WWC1: variants seen among roughly 807,000 people sequenced by gnomAD.
The protein encoded by WWC1 is protein KIBRA.
WWC1 carries 55 observed loss-of-function variants against 138.4 expected under a neutral mutation model. The observed-to-expected ratio is 0.40, with a 90% CI of 0.32 to 0.50. The LOEUF (loss-of-function observed/expected upper bound fraction) is 0.50, where lower values mean the gene tolerates loss of function less well. Among genes scored for constraint, WWC1 ranks in the 20% least tolerant of loss-of-function variants. The pLI, the probability that WWC1 is intolerant of heterozygous loss-of-function variation, is 0.72. For synonymous variants in WWC1, 524 were observed against 564.9 expected, an observed-to-expected ratio of 0.93 and a Z score of 1.03; for missense variants, 1,226 against 1,420.4, an observed-to-expected ratio of 0.86 and a Z score of 2.20.
At chr5:168,398,264 T>C (rs2152830422) in intron 4 of WWC1, among the ~76,000 whole-genome samples, 1 of 151,876 alleles carries the variant, frequency 6.6e-6, no homozygotes, top group East Asian at 1.9e-4. Flanking sequence ...CCACCACACC[T>C]GGCTAATTTT....
chr5:168,319,980 G>A (rs773546542), intron 1 of WWC1, among the ~76,000 whole-genome samples: 1 of 150,458 alleles, frequency 6.6e-6, no homozygotes, highest in Non-Finnish European at 1.5e-5. Flanking sequence ...ATTTCATTGT[G>A]GTTTTGGTTT....
intron 14 of WWC1, 100 bp from the exon 15 acceptor site, chr5:168,431,152 C>T: frequency 9.6e-7 from 1 of 1,046,056 alleles, no homozygotes; most frequent in Non-Finnish European, 1.4e-6. Context: ...AACTCTCATC[C>T]ACTGTTGTTT....
rs374387512 is a variant in WWC1, at chr5:168,468,013, C to T, written c.3275+49C>T. ...CCCCATCCCTTTCTCAGCCAACCCACGGCCTTAGTCTTCTGTCTGTGGTCT... is the reference window on the plus strand; with the variant it reads ...CCCCATCCCTTTCTCAGCCAACCCATGGCCTTAGTCTTCTGTCTGTGGTCT... On this transcript the variant is annotated intron_variant, in intron 22 of 22. Transcript: ENST00000265293. The T allele has an allele frequency of 4.4e-6, 7 of 1,608,994 alleles. No individual in the cohort carries two copies. In the African/African-American group the frequency reaches 5.3e-5, roughly 12 times the overall value.
intron 1 of WWC1, among the ~76,000 whole-genome samples, chr5:168,336,658 A>G (rs1255633996): frequency 6.6e-6 from 1 of 151,362 alleles, no homozygotes; most frequent in Non-Finnish European, 1.5e-5. Context: ...CCTGTGCCCC[A>G]GAACTCCTTG....
intron 10 of WWC1, among the ~76,000 whole-genome samples, chr5:168,422,542 G>A (rs369880029): frequency 2.6e-5 from 4 of 152,142 alleles, no homozygotes; most frequent in South Asian, 2.1e-4. Context: ...ACTTGAGCCC[G>A]GGAGGAGGCT....
intron 1 of WWC1, among the ~76,000 whole-genome samples, chr5:168,321,010 T>A (rs1349784971): frequency 6.6e-6 from 1 of 152,114 alleles, no homozygotes; most frequent in Admixed American, 6.5e-5. Flanking sequence ...TGCCTTAAAT[T>A]ACGGCAGTTA....
chr5:168,349,131 A>G (rs1774720430), intron 1 of WWC1, among the ~76,000 whole-genome samples: 1 of 152,028 alleles, frequency 6.6e-6, no homozygotes, highest in South Asian at 2.1e-4. Context: ...CTGTGCGTCA[A>G]TTTCCCCATC....
chr5:168,420,506 G>A (rs1781007482), intron 9 of WWC1, among the ~76,000 whole-genome samples: 2 of 152,090 alleles, frequency 1.3e-5, no homozygotes, highest in South Asian at 4.1e-4. Context: ...GGATTTCGGG[G>A]GACAAAAATC....
At chr5:168,300,907 C>T (rs1181856449) in intron 1 of WWC1, among the ~76,000 whole-genome samples, 1 of 152,222 alleles carries the variant, frequency 6.6e-6, no homozygotes, top group Non-Finnish European at 1.5e-5. Flanking sequence ...GACCCTGGGA[C>T]AGCCTTCCAG....
intron 15 of WWC1, among the ~76,000 whole-genome samples, chr5:168,434,801 T>A (rs1434895647): frequency 6.6e-6 from 1 of 152,234 alleles, no homozygotes; most frequent in Non-Finnish European, 1.5e-5. Flanking sequence ...GGAGCCTAGT[T>A]GCCCACTGCT....
chr5:168,439,251 C>T (rs988612102), intron 15 of WWC1, among the ~76,000 whole-genome samples: 1 of 152,162 alleles, frequency 6.6e-6, no homozygotes, highest in African/African-American at 2.4e-5. Context: ...CTCTTTTTTA[C>T]ATGACTATAT....
intron 1 of WWC1, among the ~76,000 whole-genome samples, chr5:168,297,287 G>A (rs533043502): frequency 7.2e-5 from 11 of 152,280 alleles, no homozygotes; most frequent in Admixed American, 7.2e-4. Context: ...TGCAGCTGGA[G>A]TGGACCTTTC....
At chr5:168,360,497 G>T (rs1379940745) in intron 1 of WWC1, among the ~76,000 whole-genome samples, 1 of 152,220 alleles carries the variant, frequency 6.6e-6, no homozygotes, top group Non-Finnish European at 1.5e-5. Context: ...TGTGCCTAGT[G>T]CTTCACTGGC....
intron 1 of WWC1, among the ~76,000 whole-genome samples, chr5:168,366,125 G>A (rs377514240): frequency 2.0e-5 from 3 of 152,342 alleles, no homozygotes; most frequent in South Asian, 4.1e-4. Flanking sequence ...GGGGGACGGG[G>A]GGTGGCTGGT....
chr5:168,409,598 T>C (rs1369908335), intron 7 of WWC1, among the ~76,000 whole-genome samples: 2 of 152,194 alleles, frequency 1.3e-5, no homozygotes, highest in East Asian at 1.9e-4. Context: ...CCCTGTTTCC[T>C]CCTCACCAAC....
At chr5:168,372,198 G>A (rs1271095778) in intron 2 of WWC1, among the ~76,000 whole-genome samples, 3 of 152,038 alleles carry the variant, frequency 2.0e-5, no homozygotes, top group Admixed American at 2.0e-4. Flanking sequence ...GGACTGTGAT[G>A]GAGGAATGAC....
At chr5:168,402,286 C>A (rs569128330) in intron 5 of WWC1, among the ~76,000 whole-genome samples, 15 of 152,312 alleles carry the variant, frequency 9.8e-5, no homozygotes, top group African/African-American at 3.6e-4. Context: ...TTAATGTACA[C>A]CTTGGCAGAG....
Position 168,292,061 on chromosome 5 carries a change from C to A in WWC1, c.-92C>A, listed in dbSNP as rs569815903. On this transcript the variant is annotated 5_prime_UTR_variant, in exon 1 of 23. Coordinates refer to ENST00000265293, the MANE Select transcript of WWC1 (RefSeq NM_015238.3). This position sits in a 1 kb window ranked among gnomAD's most constrained non-coding sequence, Gnocchi z 4.4. ...CACCCCCCGGATCATGGTGCCTCGG[C>A]GGCCGCCCGGGCTAAGAGCGGCCGG... The A allele has an allele frequency of 4.3e-4, 587 of 1,371,076 alleles. 4 individuals carry two copies. The African/African-American group carries it at 8.2e-3, about 19-fold the overall frequency. The allele number at this position is 1,371,076 out of a possible 1,614,324, so 84.9% of individuals were successfully genotyped here. A position where few individuals can be genotyped will look rare whatever the true frequency, so the allele number is the denominator to read the frequency against.
intron 3 of WWC1, 115 bp downstream of exon 3, chr5:168,385,529 C>T (rs772106365): frequency 3.2e-5 from 34 of 1,049,276 alleles, no homozygotes; most frequent in Non-Finnish European, 2.1e-5. Context: ...TACTCTTTGT[C>T]CAAACCACCA....
Sources: gnomAD v4.1 joint callset for allele counts (sites outside exome capture counted in the v4.1 genomes callset) on GRCh38, gnomAD v4.1.1 for gene constraint, Gnocchi (gnomAD v3.1) non-coding constraint, MANE v1.5 for transcripts, NCBI Gene and HGNC (gene_info 2026-07-23, HGNC 2026-07-21) for gene names.